Variants in CHD1L observed in about 807,000 individuals in gnomAD.
The protein encoded by CHD1L is chromodomain helicase DNA binding protein 1 like, also known as ATP-dependent chromatin remodeler CHD1L.
Under a neutral mutation model 115.9 loss-of-function variants are expected in CHD1L, and 118 were observed. That is an observed-to-expected ratio of 1.02 (90% CI 0.88 to 1.19). The LOEUF is 1.19. Ranked by LOEUF, CHD1L falls within the 50% of genes most tolerant of loss-of-function variation. CHD1L has a pLI of 0.00. For missense variants in CHD1L, 1,179 were observed against 1,065.3 expected, an observed-to-expected ratio of 1.11 and a Z score of -1.49; for synonymous variants, 411 against 387.1, an observed-to-expected ratio of 1.06 and a Z score of -0.72.
chr1:147,278,552 C>A (rs1267490577), intron 14 of CHD1L, among the ~76,000 whole-genome samples: 3 of 148,542 alleles, frequency 2.0e-5, no homozygotes, highest in East Asian at 2.0e-4. Flanking sequence ...TACCAAGAAA[C>A]CAAAAGTAAA....
At chr1:147,276,820 C>T (rs1678652198) in intron 14 of CHD1L, among the ~76,000 whole-genome samples, 1 of 152,016 alleles carries the variant, frequency 6.6e-6, no homozygotes, top group African/African-American at 2.4e-5. Flanking sequence ...CTGTAGCAGC[C>T]CTTGGGTTAA....
the CHD1L span, among the ~76,000 whole-genome samples, chr1:147,233,691 T>C: frequency 2.0e-5 from 3 of 152,098 alleles, no homozygotes; most frequent in Non-Finnish European, 4.4e-5. Context: ...AATCGGATGG[T>C]TGCCGTGTCT....
At chr1:147,295,198 T>C (rs1687080703) in intron 22 of CHD1L, among the ~76,000 whole-genome samples, 1 of 152,220 alleles carries the variant, frequency 6.6e-6, no homozygotes, top group Admixed American at 6.5e-5. Flanking sequence ...TGTAAAAACT[T>C]AGAGAAGCCA....
intron 1 of CHD1L, among the ~76,000 whole-genome samples, chr1:147,243,518 T>C (rs1665560538): frequency 6.6e-6 from 1 of 152,076 alleles, no homozygotes; most frequent in South Asian, 2.1e-4. Flanking sequence ...GCGCGAACCT[T>C]GCATGCCCCC....
the CHD1L span, among the ~76,000 whole-genome samples, chr1:147,231,307 T>C: frequency 6.6e-6 from 1 of 152,232 alleles, no homozygotes; most frequent in African/African-American, 2.4e-5. Flanking sequence ...TTCCATGTAG[T>C]GGAGCGGTTT....
chr1:147,212,654 T>C, the CHD1L span: 1 of 914,504 alleles, frequency 1.1e-6, no homozygotes, highest in Admixed American at 2.5e-5. Context: ...GTGTTCTCTT[T>C]ACTCAGCTAC....
the CHD1L span, among the ~76,000 whole-genome samples, chr1:147,235,037 T>C: frequency 6.6e-6 from 1 of 152,018 alleles, no homozygotes; most frequent in Non-Finnish European, 1.5e-5. Context: ...GGAACAGTAA[T>C]ACAATCTATC....
rs150105620 is a variant in CHD1L, at chr1:147,286,183, T to A, written c.2019-115T>A. On this transcript the variant is annotated intron_variant, in intron 17 of 22. Transcript: ENST00000369258. ...AGTAGAAAACTTCAATCAGGGTGAG[T>A]TTCTAATTGCATTTCTACTTGGCAG... The A allele has an allele frequency of 6.0e-4, 605 of 1,011,132 alleles. 9 individuals are homozygous for A. In the East Asian group the frequency reaches 0.016, roughly 26 times the overall value. The allele number at this position is 1,011,132 out of a possible 1,614,324, so 62.6% of individuals were successfully genotyped here.
chr1:147,280,544 AT>A (rs2102829504), intron 15 of CHD1L, among the ~76,000 whole-genome samples: 1 of 152,328 alleles, frequency 6.6e-6, no homozygotes, highest in East Asian at 1.9e-4. Flanking sequence ...GCACATAGCG[AT>A]TCCTCTTCTA....
chr1:147,265,760 A>G (rs1673634568), intron 7 of CHD1L, among the ~76,000 whole-genome samples, 172 bp from the exon 8 acceptor site: 1 of 152,240 alleles, frequency 6.6e-6, no homozygotes, highest in African/African-American at 2.4e-5. Flanking sequence ...GATTCCAGAA[A>G]AAAGATGATC....
At chr1:147,205,188 T>C in the CHD1L span, among the ~76,000 whole-genome samples, 6 of 152,200 alleles carry the variant, frequency 3.9e-5, no homozygotes, top group Non-Finnish European at 7.3e-5. Context: ...AAAGCCTCAA[T>C]TTATTTTGCA....
At chr1:147,208,524 C>CT in the CHD1L span, 3 of 186,682 alleles carry the variant, frequency 1.6e-5, no homozygotes, top group Non-Finnish European at 3.4e-5. Flanking sequence ...ACTGCAACCT[C>CT]TGCCTCCAGG....
the CHD1L span, among the ~76,000 whole-genome samples, chr1:147,232,479 C>T: frequency 2.1e-5 from 3 of 145,134 alleles, no homozygotes; most frequent in African/African-American, 8.5e-5. Context: ...ACCTCAACCT[C>T]TCCCTCTCCC....
chr1:147,231,241 T>C, the CHD1L span, among the ~76,000 whole-genome samples: 1 of 152,230 alleles, frequency 6.6e-6, no homozygotes, highest in Non-Finnish European at 1.5e-5. Flanking sequence ...AACCTCTTTA[T>C]CTCTACCTTC....
At chr1:147,189,268 G>A in the CHD1L span, among the ~76,000 whole-genome samples, 10 of 126,516 alleles carry the variant, frequency 7.9e-5, no homozygotes, top group East Asian at 4.3e-4. Flanking sequence ...GTGAGACTCC[G>A]TCTAAAAAAA....
At chr1:147,206,267 A>G in the CHD1L span, among the ~76,000 whole-genome samples, 63 of 151,956 alleles carry the variant, frequency 4.1e-4, 1 homozygote, top group South Asian at 0.012. Flanking sequence ...TCAGGAAACA[A>G]CAGGTGCTGG....
intron 2 of CHD1L, among the ~76,000 whole-genome samples, chr1:147,253,234 G>T (rs1668981469): frequency 1.3e-5 from 2 of 152,202 alleles, no homozygotes; most frequent in African/African-American, 4.8e-5. Flanking sequence ...ATTCTTGCTA[G>T]AATTCACTAG....
At chr1:147,202,498 T>G in the CHD1L span, among the ~76,000 whole-genome samples, 1 of 151,888 alleles carries the variant, frequency 6.6e-6, no homozygotes, top group Non-Finnish European at 1.5e-5. Flanking sequence ...TTTTGTATTT[T>G]TAGTAGAGAC....
the CHD1L span, among the ~76,000 whole-genome samples, chr1:147,234,897 T>G: frequency 6.6e-6 from 1 of 152,158 alleles, no homozygotes; most frequent in Non-Finnish European, 1.5e-5. Flanking sequence ...TATACTAGGG[T>G]AAATCACATC....
Sources: gnomAD v4.1 joint callset for allele counts (sites outside exome capture counted in the v4.1 genomes callset) on GRCh38, gnomAD v4.1.1 for gene constraint, MANE v1.5 for transcripts, NCBI Gene and HGNC (gene_info 2026-07-23, HGNC 2026-07-21) for gene names.